LRP1B: variants seen among roughly 807,000 people sequenced by gnomAD.
LRP1B encodes low-density lipoprotein receptor-related protein 1B.
LRP1B carries 217 observed loss-of-function variants against 556.6 expected under a neutral mutation model. The ratio of observed to expected loss-of-function variants is 0.39; its 90% CI spans 0.35 to 0.44. LRP1B has a LOEUF of 0.44. Among genes scored for constraint, LRP1B ranks in the 20% least tolerant of loss-of-function variants. The pLI, the probability that LRP1B is intolerant of heterozygous loss-of-function variation, is 1.00. For missense variants in LRP1B, 5,053 were observed against 5,620.8 expected (o/e 0.90, Z 3.23); for synonymous variants, 2,047 against 1,865.8 (o/e 1.10, Z -2.50).
intron 7 of LRP1B, among the ~76,000 whole-genome samples, chr2:141,124,947 C>T (rs757048281): frequency 6.6e-6 from 1 of 152,092 alleles, no homozygotes; most frequent in East Asian, 1.9e-4. Context: ...TCCACCTTTC[C>T]CTTTGTGGTG....
intron 1 of LRP1B, among the ~76,000 whole-genome samples, chr2:142,042,124 A>G (rs1040682525): frequency 1.1e-4 from 16 of 151,460 alleles, no homozygotes; most frequent in African/African-American, 3.9e-4. Flanking sequence ...TAAGCTAGCC[A>G]TACGAAATAA....
intron 1 of LRP1B, among the ~76,000 whole-genome samples, chr2:142,045,732 T>A (rs956536250): frequency 4.6e-5 from 7 of 151,942 alleles, no homozygotes; most frequent in African/African-American, 1.7e-4. Flanking sequence ...AAATATGATC[T>A]AATTGTTCTC....
At chr2:141,559,176 T>C (rs1467956604) in intron 2 of LRP1B, among the ~76,000 whole-genome samples, 3 of 151,704 alleles carry the variant, frequency 2.0e-5, no homozygotes, top group Non-Finnish European at 4.4e-5. Context: ...ATCACTATTA[T>C]GTTTCTTTCA....
intron 86 of LRP1B, among the ~76,000 whole-genome samples, chr2:140,248,356 TTAATTAA>T (rs1681258997): frequency 6.6e-6 from 1 of 151,320 alleles, no homozygotes. Flanking sequence ...TAAGAGTTAT[TTAATTAA>T]TAAATGATAA....
intron 1 of LRP1B, among the ~76,000 whole-genome samples, chr2:142,062,950 A>G (rs1043361222): frequency 2.0e-5 from 3 of 151,452 alleles, no homozygotes; most frequent in African/African-American, 7.3e-5. Flanking sequence ...TATTAGCTCT[A>G]TCTAAAAGAT....
chr2:141,031,278 CACATACAT>C (rs5834800), intron 11 of LRP1B, among the ~76,000 whole-genome samples: 1 of 134,400 alleles, frequency 7.4e-6, no homozygotes. Context: ...CACACACACA[CACATACAT>C]ACATATATAT....
chr2:141,993,050 T>C (rs1362126643), intron 1 of LRP1B, among the ~76,000 whole-genome samples: 1 of 152,072 alleles, frequency 6.6e-6, no homozygotes, highest in Non-Finnish European at 1.5e-5. Flanking sequence ...ATTGGAGTCA[T>C]GCCAGGAAAA....
At position 141,484,218 on chromosome 2, in the gene LRP1B, G is replaced by T. The variant is rs1212961407; in HGVS notation, c.206-3685C>A. 1.9e-3 allele frequency among the ~76,000 whole-genome samples: 279 copies of T among 146,104 alleles called. 1 individual carries two copies. Among genetic ancestry groups the T allele is most frequent in the Non-Finnish European group, 3.2e-3 (209 of 65,828 alleles). ...TTCCCAGCACCATTTATTAAATAGG[G>T]AATCCTTTCCCCATTGCTTGTTTTT... On this transcript the variant is annotated intron_variant, in intron 2 of 90. Coordinates refer to ENST00000389484, the MANE Select transcript of LRP1B (RefSeq NM_018557.3).
intron 2 of LRP1B, among the ~76,000 whole-genome samples, chr2:141,665,109 G>A (rs1690376552): frequency 6.6e-6 from 1 of 152,086 alleles, no homozygotes; most frequent in Non-Finnish European, 1.5e-5. Flanking sequence ...ATGGGGAAAG[G>A]ATTCCCTATT....
chr2:141,002,758 C>T (rs1011634777), intron 15 of LRP1B, among the ~76,000 whole-genome samples: 1 of 151,874 alleles, frequency 6.6e-6, no homozygotes, highest in South Asian at 2.1e-4. Context: ...AATAAATGAA[C>T]AATGGAGTGC....
At chr2:141,591,315 A>G (rs1687324962) in intron 2 of LRP1B, among the ~76,000 whole-genome samples, 1 of 150,566 alleles carries the variant, frequency 6.6e-6, no homozygotes, top group Non-Finnish European at 1.5e-5. Context: ...TATCCCTTCT[A>G]GCAAAGACTT....
At chr2:140,448,416 T>C (rs1357176809) in intron 63 of LRP1B, among the ~76,000 whole-genome samples, 1 of 152,080 alleles carries the variant, frequency 6.6e-6, no homozygotes, top group East Asian at 1.9e-4. Flanking sequence ...GAGGGAATAA[T>C]ATTCAATATT....
At chr2:141,359,994 G>A (rs16845909) in intron 3 of LRP1B, among the ~76,000 whole-genome samples, 5,470 of 152,104 alleles carry the variant, frequency 0.036, 129 homozygotes, top group African/African-American at 0.06. Flanking sequence ...GTTAGAAACA[G>A]GGAAGATAGA....
At chr2:141,167,583 T>G (rs1263091641) in intron 7 of LRP1B, among the ~76,000 whole-genome samples, 1 of 151,886 alleles carries the variant, frequency 6.6e-6, no homozygotes, top group Non-Finnish European at 1.5e-5. Flanking sequence ...ATATGACCAA[T>G]GTATAATCAT....
At chr2:140,730,248 A>C (rs2105496034) in intron 35 of LRP1B, among the ~76,000 whole-genome samples, 1 of 152,288 alleles carries the variant, frequency 6.6e-6, no homozygotes, top group East Asian at 1.9e-4. Context: ...AACAACTATC[A>C]GGATAATATA....
At chr2:141,439,187 A>G (rs1172782647) in intron 3 of LRP1B, among the ~76,000 whole-genome samples, 2 of 152,262 alleles carry the variant, frequency 1.3e-5, no homozygotes, top group East Asian at 1.9e-4. Flanking sequence ...CAGCTTCCCT[A>G]TATTATGGGC....
At chr2:141,731,656 C>A (rs1245232097) in intron 2 of LRP1B, among the ~76,000 whole-genome samples, 1 of 152,098 alleles carries the variant, frequency 6.6e-6, no homozygotes, top group African/African-American at 2.4e-5. Context: ...ATTCTGGTTT[C>A]CAGCCTCTCG....
chr2:141,256,842 G>T (rs926347534), intron 3 of LRP1B, among the ~76,000 whole-genome samples: 5 of 151,892 alleles, frequency 3.3e-5, no homozygotes, highest in Non-Finnish European at 7.4e-5. Context: ...TATCAATTTG[G>T]AAGTCACAAG....
intron 7 of LRP1B, among the ~76,000 whole-genome samples, chr2:141,066,163 C>T (rs1213650789): frequency 6.6e-6 from 1 of 151,898 alleles, no homozygotes; most frequent in Non-Finnish European, 1.5e-5. Context: ...CAAAAGAAAA[C>T]ATTTCTTTCA....
Sources: allele counts gnomAD v4.1 joint callset (sites outside exome capture counted in the v4.1 genomes callset), GRCh38; gene constraint gnomAD v4.1.1; transcripts MANE v1.5; gene names NCBI Gene and HGNC (gene_info 2026-07-23, HGNC 2026-07-21).